Variants in RNF144B observed in about 807,000 individuals in gnomAD.
The protein encoded by RNF144B is E3 ubiquitin-protein ligase RNF144B.
RNF144B carries 25 observed loss-of-function variants against 40.2 expected under a neutral mutation model. The ratio of observed to expected loss-of-function variants is 0.62; its 90% CI spans 0.45 to 0.87. The LOEUF (loss-of-function observed/expected upper bound fraction) is 0.87, where lower values mean the gene tolerates loss of function less well. Ranked by LOEUF, RNF144B falls within the 40% of genes least tolerant of loss-of-function variation. The probability of loss-of-function intolerance (pLI) is 0.00; values close to 1 mark genes in which losing one functional copy is unlikely to be tolerated. For missense variants in RNF144B, 365 were observed against 373.7 expected, an observed-to-expected ratio of 0.98 and a Z score of 0.19; for synonymous variants, 145 against 136.3, an observed-to-expected ratio of 1.06 and a Z score of -0.44.
At chr6:18,455,395 G>A (rs529909428) in intron 4 of RNF144B, among the ~76,000 whole-genome samples, 1 of 152,324 alleles carries the variant, frequency 6.6e-6, no homozygotes, top group Middle Eastern at 3.4e-3. Context: ...CGAGACATTA[G>A]TGGAGACAGT....
intron 2 of RNF144B, among the ~76,000 whole-genome samples, chr6:18,409,275 G>A (rs1211913920): frequency 6.6e-6 from 1 of 150,384 alleles, no homozygotes; most frequent in Non-Finnish European, 1.5e-5. Flanking sequence ...CTATTTGGGA[G>A]GCTGAGGCAT....
At chr6:18,409,862 G>A (rs548627999) in intron 2 of RNF144B, among the ~76,000 whole-genome samples, 6 of 152,236 alleles carry the variant, frequency 3.9e-5, no homozygotes, top group Admixed American at 6.5e-5. Flanking sequence ...GAGCCACTGC[G>A]CCCCGGCCTA....
At chr6:18,388,054 T>C (rs1794499720) in intron 1 of RNF144B, among the ~76,000 whole-genome samples, 1 of 152,186 alleles carries the variant, frequency 6.6e-6, no homozygotes, top group Non-Finnish European at 1.5e-5. Context: ...TCGAACTGAT[T>C]GTCGTTTGTG....
intron 4 of RNF144B, among the ~76,000 whole-genome samples, chr6:18,455,932 GT>G (rs903698492): frequency 6.6e-6 from 1 of 150,982 alleles, no homozygotes; most frequent in Admixed American, 6.6e-5. Flanking sequence ...TTTTTGTTTT[GT>G]TTTTTTTGAG....
intron 2 of RNF144B, among the ~76,000 whole-genome samples, chr6:18,409,732 G>A (rs1215529988): frequency 1.3e-5 from 2 of 151,704 alleles, no homozygotes; most frequent in Admixed American, 6.6e-5. Flanking sequence ...CATCATGCTG[G>A]CTAATTTTTG....
rs1582421018 is a variant in RNF144B, at chr6:18,425,774, CTT to C, written c.166-1804_166-1803del. On this transcript the variant is annotated intron_variant, in intron 2 of 7. Coordinates refer to ENST00000259939, the MANE Select transcript of RNF144B (RefSeq NM_182757.4). The surrounding 1 kb of genome is among the most constrained non-coding windows in gnomAD (Gnocchi z 4.2). ...GTCTTTTAAATATCATTTGAAGACT[CTT>C]TTCATGATTCTGCACATTCTATCGC... Among the ~76,000 whole-genome samples the C allele has an allele frequency of 6.6e-6, 1 of 152,204 alleles. No homozygotes were observed. The highest frequency in any genetic ancestry group is 1.9e-4 in the East Asian group (1 of 5,170).
In RNF144B at chr6:18,468,790, C is replaced by G. The variant is rs1013251511; in HGVS notation, c.*3723C>G. Reference sequence around the variant, plus strand: ...GAAGTTTTATGTATTTAAAAAATTGCTATCGTGTTATATTTTTCCAATTTT... The same window carrying G: ...GAAGTTTTATGTATTTAAAAAATTGGTATCGTGTTATATTTTTCCAATTTT... On this transcript the variant is annotated 3_prime_UTR_variant, in exon 8 of 8. Transcript: ENST00000259939. 6.6e-6 allele frequency: 1 copy of G among 152,104 alleles called. No individual in the cohort carries two copies. 9.4% of individuals were successfully genotyped at this position (152,104 alleles called of 1,614,324 possible). A position where few individuals can be genotyped will look rare whatever the true frequency, so the allele number is the denominator to read the frequency against.
At chr6:18,433,993 G>A (rs72832462) in intron 3 of RNF144B, among the ~76,000 whole-genome samples, 15,568 of 152,222 alleles carry the variant, frequency 0.1, 1,014 homozygotes, top group Middle Eastern at 0.16. Context: ...ACCTTGACAG[G>A]TTGTAATGAT....
At chr6:18,438,966 G>A (rs1215772584) in intron 3 of RNF144B, among the ~76,000 whole-genome samples, 1 of 152,114 alleles carries the variant, frequency 6.6e-6, no homozygotes, top group Non-Finnish European at 1.5e-5. Flanking sequence ...TGGTTTAAGA[G>A]CAGTTAGCTT....
chr6:18,422,825 G>T lies in RNF144B; in HGVS notation c.166-4756G>T, dbSNP rs183022183. ...AATCAATCAATAGTCGAGTGTAGTG[G>T]CAGGCATCTGTAGCCTCAGCTACTG... On this transcript the variant is annotated intron_variant, in intron 2 of 7. Transcript: ENST00000259939. This position sits in a 1 kb window ranked among gnomAD's most constrained non-coding sequence, Gnocchi z 4.7. 1.1e-4 allele frequency among the ~76,000 whole-genome samples: 17 copies of T among 152,122 alleles called. No individual in the cohort carries two copies. In the East Asian group the frequency reaches 3.3e-3, roughly 29 times the overall value.
chr6:18,395,549 A>G lies in RNF144B; in HGVS notation c.-36-3950A>G, dbSNP rs895704312. 1.3e-5 allele frequency among the ~76,000 whole-genome samples: 2 copies of G among 151,780 alleles called. No homozygotes were observed. Among genetic ancestry groups the G allele is most frequent in the East Asian group, 3.9e-4 (2 of 5,178 alleles). On this transcript the variant is annotated intron_variant, in intron 1 of 7. Coordinates refer to ENST00000259939, the MANE Select transcript of RNF144B (RefSeq NM_182757.4). The surrounding 1 kb of genome is among the most constrained non-coding windows in gnomAD (Gnocchi z 4.5). The stretch of plus-strand genomic sequence containing the variant: ...TGAAGAGCTCATTTTGCAATGAATC[A>G]ATGGTGAAAGGATTTCTTGTTTGAT...
rs1429900748 is a variant in RNF144B, at chr6:18,405,286, G to T, written c.165+5587G>T. On this transcript the variant is annotated intron_variant, in intron 2 of 7. Transcript: ENST00000259939. The surrounding 1 kb of genome is among the most constrained non-coding windows in gnomAD (Gnocchi z 4.5). The stretch of plus-strand genomic sequence containing the variant: ...CCTCCCGGGTTCAAGTGGTTCTCCT[G>T]CCTCAGCCTCCGGAGTAGCTGGGAT... Among the ~76,000 whole-genome samples, 1 of 151,996 alleles carries T rather than the reference G, an allele frequency of 6.6e-6. No homozygotes were observed. Among genetic ancestry groups the T allele is most frequent in the Non-Finnish European group, 1.5e-5 (1 of 68,002 alleles).
In RNF144B at chr6:18,400,712, A is replaced by G. The variant is rs772895800; in HGVS notation, c.165+1013A>G. On this transcript the variant is annotated intron_variant, in intron 2 of 7. Coordinates refer to ENST00000259939, the MANE Select transcript of RNF144B (RefSeq NM_182757.4). The surrounding 1 kb of genome is among the most constrained non-coding windows in gnomAD (Gnocchi z 5.6). ...ATCTGTTGAGCAGGAACTATGTCCC[A>G]GGAATGGTTCTAGGCACGAGGATTT... is the stretch of plus-strand genomic sequence containing the variant. Among the ~76,000 whole-genome samples the G allele has an allele frequency of 6.6e-6, 1 of 152,220 alleles. No individual in the cohort carries two copies. Among genetic ancestry groups the G allele is most frequent in the Non-Finnish European group, 1.5e-5 (1 of 68,042 alleles).
At chr6:18,391,407 A>G (rs1197579096) in intron 1 of RNF144B, among the ~76,000 whole-genome samples, 1 of 152,186 alleles carries the variant, frequency 6.6e-6, no homozygotes, top group East Asian at 1.9e-4. Context: ...TACCATGATG[A>G]ATGCAAAATT....
At position 18,447,200 on chromosome 6, in the gene RNF144B, T is replaced by C. The variant is rs1480130021; in HGVS notation, c.331+7456T>C. Among the ~76,000 whole-genome samples, 2 of 152,120 alleles carry C rather than the reference T, an allele frequency of 1.3e-5. No homozygotes were observed. The highest frequency in any genetic ancestry group is 1.5e-5 in the Non-Finnish European group (1 of 68,016). ...GTGGAAGACCTCTTTGATGAGGTTA[T>C]ATCTGAAAAAGGACTTGATTTGATG... On this transcript the variant is annotated intron_variant, in intron 4 of 7. Transcript: ENST00000259939. The surrounding 1 kb of genome is among the most constrained non-coding windows in gnomAD (Gnocchi z 5.6).
At position 18,398,077 on chromosome 6, in the gene RNF144B, C is replaced by G. The variant is rs865859437; in HGVS notation, c.-36-1422C>G. 2.0e-5 allele frequency among the ~76,000 whole-genome samples: 3 copies of G among 151,910 alleles called. No homozygotes were observed. The highest frequency in any genetic ancestry group is 2.9e-5 in the Non-Finnish European group (2 of 68,018). ...TGAGCTATGATTGTGCCACCACACT[C>G]GAGCCTGGGCAACAGAGAGAGACCC... On this transcript the variant is annotated intron_variant, in intron 1 of 7. Transcript: ENST00000259939. This position sits in a 1 kb window ranked among gnomAD's most constrained non-coding sequence, Gnocchi z 5.0.
At chr6:18,427,813 A>G in intron 3 of RNF144B, 128 bp downstream of exon 3, 1 of 617,966 alleles carries the variant, frequency 1.6e-6, no homozygotes, top group Non-Finnish European at 2.8e-6. Context: ...TTAAAGGAGC[A>G]CTTTATTGCA....
chr6:18,426,616 GT>G (rs1758560065), intron 2 of RNF144B, among the ~76,000 whole-genome samples: 1 of 151,904 alleles, frequency 6.6e-6, no homozygotes, highest in South Asian at 2.1e-4. Flanking sequence ...TTCTCTCTGG[GT>G]TTCTTTTTTC....
At chr6:18,451,667 A>G (rs922672585) in intron 4 of RNF144B, among the ~76,000 whole-genome samples, 1 of 152,250 alleles carries the variant, frequency 6.6e-6, no homozygotes, top group Admixed American at 6.5e-5. Flanking sequence ...CAGTTTATTA[A>G]TGTGTTTAGA....
Sources: gnomAD v4.1 joint callset for allele counts (sites outside exome capture counted in the v4.1 genomes callset) on GRCh38, gnomAD v4.1.1 for gene constraint, Gnocchi (gnomAD v3.1) non-coding constraint, MANE v1.5 for transcripts, NCBI Gene and HGNC (gene_info 2026-07-23, HGNC 2026-07-21) for gene names.